Variants in THEMIS observed in about 807,000 individuals in gnomAD.
The protein encoded by THEMIS is thymocyte selection associated.
Under a neutral mutation model 52.6 loss-of-function variants are expected in THEMIS, and 37 were observed. The observed-to-expected ratio is 0.70, with a 90% confidence interval of 0.54 to 0.93. The LOEUF (loss-of-function observed/expected upper bound fraction) is 0.93, where lower values mean the gene tolerates loss of function less well. Ranked by LOEUF, THEMIS falls within the 40% of genes least tolerant of loss-of-function variation. The probability of loss-of-function intolerance (pLI) is 0.00; values close to 1 mark genes in which losing one functional copy is unlikely to be tolerated. For missense variants in THEMIS, 808 were observed against 763.1 expected (o/e 1.06, Z -0.69); for synonymous variants, 292 against 272.7 (o/e 1.07, Z -0.70).
intron 4 of THEMIS, among the ~76,000 whole-genome samples, chr6:127,783,227 C>CA (rs1776808964): frequency 6.6e-6 from 1 of 152,160 alleles, no homozygotes; most frequent in African/African-American, 2.4e-5. Context: ...ACACTTCATA[C>CA]AAAAATTAAC....
chr6:127,703,558 T>C (rs114406397), downstream of THEMIS, among the ~76,000 whole-genome samples: 693 of 152,302 alleles, frequency 4.6e-3, 6 homozygotes, highest in African/African-American at 0.016. Flanking sequence ...ATATGTTGAA[T>C]GAGGGTCACA....
intron 1 of THEMIS, among the ~76,000 whole-genome samples, chr6:127,879,913 TG>T (rs964097196): frequency 6.6e-6 from 1 of 152,062 alleles, no homozygotes; most frequent in African/African-American, 2.4e-5. Flanking sequence ...CTCGGGCACC[TG>T]ATTTCCTCCC....
chr6:127,771,762 C>T (rs1405725359), intron 4 of THEMIS, among the ~76,000 whole-genome samples: 2 of 152,222 alleles, frequency 1.3e-5, no homozygotes, highest in South Asian at 4.1e-4. Flanking sequence ...TTTCAAGTTA[C>T]ACTACGAACT....
intron 1 of THEMIS, among the ~76,000 whole-genome samples, chr6:127,892,069 T>A (rs950911156): frequency 4.6e-5 from 7 of 152,144 alleles, no homozygotes; most frequent in African/African-American, 1.4e-4. Context: ...CACATTAGTT[T>A]ACAGGTCCTA....
At chr6:127,869,873 A>G (rs1292116113) in intron 1 of THEMIS, among the ~76,000 whole-genome samples, 2 of 152,172 alleles carry the variant, frequency 1.3e-5, no homozygotes, top group East Asian at 3.9e-4. Flanking sequence ...ACAGAACAAA[A>G]CAAAGCAAAA....
At chr6:127,781,325 T>G (rs1276632579) in intron 4 of THEMIS, among the ~76,000 whole-genome samples, 1 of 152,036 alleles carries the variant, frequency 6.6e-6, no homozygotes, top group African/African-American at 2.4e-5. Context: ...CTTCCTTGCA[T>G]GGGGTTAAAA....
intron 4 of THEMIS, among the ~76,000 whole-genome samples, chr6:127,731,694 C>CTTTTTTT (rs34588130): frequency 2.1e-5 from 2 of 93,398 alleles, no homozygotes; most frequent in South Asian, 3.2e-4. Context: ...TTTATTGCTA[C>CTTTTTTT]TTTTTTTTTT....
At chr6:127,707,139 G>T (rs1385345781), downstream of THEMIS, among the ~76,000 whole-genome samples, 1 of 151,926 alleles carries the variant, frequency 6.6e-6, no homozygotes, top group East Asian at 1.9e-4. Flanking sequence ...TCACTATCAG[G>T]GGAACAGCAT....
At chr6:127,782,579 G>A (rs1256357246) in intron 4 of THEMIS, among the ~76,000 whole-genome samples, 2 of 152,162 alleles carry the variant, frequency 1.3e-5, no homozygotes, top group Admixed American at 6.5e-5. Context: ...GCACTTCCCT[G>A]GTGAGGCAAT....
chr6:127,767,753 T>C (rs776766951), intron 4 of THEMIS, among the ~76,000 whole-genome samples: 1 of 152,180 alleles, frequency 6.6e-6, no homozygotes, highest in Non-Finnish European at 1.5e-5. Flanking sequence ...TTCTTATCAT[T>C]ATCGAGTTTT....
intron 1 of THEMIS, among the ~76,000 whole-genome samples, chr6:127,879,137 G>GAA (rs994534858): frequency 6.6e-6 from 1 of 152,142 alleles, no homozygotes; most frequent in Non-Finnish European, 1.5e-5. Flanking sequence ...ATGCACAGAG[G>GAA]AAAATGTTCT....
chr6:127,722,666 A>C (rs1293644269), intron 4 of THEMIS, among the ~76,000 whole-genome samples: 3 of 151,812 alleles, frequency 2.0e-5, no homozygotes, highest in Non-Finnish European at 4.4e-5. Flanking sequence ...TGTTACCCTT[A>C]AGTTGGAGGA....
chr6:127,879,279 T>C (rs1177650018), intron 1 of THEMIS, among the ~76,000 whole-genome samples: 2 of 152,202 alleles, frequency 1.3e-5, no homozygotes, highest in Non-Finnish European at 2.9e-5. Context: ...TTTGTAACTC[T>C]TATGTCTAAC....
chr6:127,800,513 T>C (rs1777496091), intron 4 of THEMIS, among the ~76,000 whole-genome samples: 1 of 152,236 alleles, frequency 6.6e-6, no homozygotes, highest in South Asian at 2.1e-4. Context: ...GTAACCTTGC[T>C]TCTGTAAAAC....
At chr6:127,731,720 T>G (rs938055945) in intron 4 of THEMIS, among the ~76,000 whole-genome samples, 2 of 139,294 alleles carry the variant, frequency 1.4e-5, no homozygotes, top group African/African-American at 5.4e-5. Context: ...TTTTTTGAGA[T>G]GGAGTCTCGC....
intron 4 of THEMIS, among the ~76,000 whole-genome samples, chr6:127,798,407 GGTTA>G (rs1777404868): frequency 6.6e-6 from 1 of 152,042 alleles, no homozygotes; most frequent in Non-Finnish European, 1.5e-5. Context: ...ACATTGTGCA[GGTTA>G]GTTACATATG....
chr6:127,762,174 C>T (rs1049177404), intron 4 of THEMIS, among the ~76,000 whole-genome samples: 2 of 151,922 alleles, frequency 1.3e-5, no homozygotes, highest in African/African-American at 4.8e-5. Context: ...AAATATATCA[C>T]GATTCTATTA....
chr6:127,842,357 A>C (rs1779077723), intron 2 of THEMIS, among the ~76,000 whole-genome samples: 1 of 152,062 alleles, frequency 6.6e-6, no homozygotes, highest in Non-Finnish European at 1.5e-5. Context: ...TAGAATTAAC[A>C]ATGTTAATGT....
In THEMIS at chr6:127,708,616, G is replaced by A. The variant is rs1488816576; in HGVS notation, c.*1369C>T. 3 of 151,922 alleles carry A rather than the reference G, an allele frequency of 2.0e-5. No individual in the cohort carries two copies. Among genetic ancestry groups the A allele is most frequent in the Non-Finnish European group, 4.4e-5 (3 of 67,942 alleles). The allele number at this position is 151,922 out of a possible 1,614,324, so 9.4% of individuals were successfully genotyped here. A position where few individuals can be genotyped will look rare whatever the true frequency, so the allele number is the denominator to read the frequency against. ...TTTCTGTTCTTATCTGCACAAACAGGCAAAATAAATAAAAGAAAAACTGTC... is the reference window on the plus strand; with the variant it reads ...TTTCTGTTCTTATCTGCACAAACAGACAAAATAAATAAAAGAAAAACTGTC... On this transcript the variant is annotated 3_prime_UTR_variant, in exon 6 of 6. Transcript: ENST00000368248.
Sources: allele counts gnomAD v4.1 joint callset (sites outside exome capture counted in the v4.1 genomes callset), GRCh38; gene constraint gnomAD v4.1.1; transcripts MANE v1.5; gene names NCBI Gene and HGNC (gene_info 2026-07-23, HGNC 2026-07-21).